The following SLC5A3 variants were observed in gnomAD, a reference collection of about 807,000 sequenced individuals.
The protein encoded by SLC5A3 is sodium/myo-inositol cotransporter.
In SLC5A3, 10 loss-of-function variants were observed where a neutral mutation model predicts 43.2. The observed-to-expected ratio is 0.23, with a 90% CI of 0.14 to 0.39. The LOEUF is 0.39. Among genes scored for constraint, SLC5A3 ranks in the 10% least tolerant of loss-of-function variants. SLC5A3 has a pLI of 1.00. For missense variants in SLC5A3, 608 were observed against 893.4 expected, an observed-to-expected ratio of 0.68 and a Z score of 4.07; for synonymous variants, 349 against 322.0, an observed-to-expected ratio of 1.08 and a Z score of -0.90.
chr21:34,082,698 T>C (rs1369455780), intron 1 of SLC5A3, among the ~76,000 whole-genome samples: 1 of 152,208 alleles, frequency 6.6e-6, no homozygotes, highest in East Asian at 1.9e-4. Flanking sequence ...TTCCATAAAA[T>C]AGAAGCCAAG....
chr21:34,102,470 TA>T lies in SLC5A3; in HGVS notation c.*5117del. 1.0e-6 allele frequency: 1 copy of T among 1,000,158 alleles called. No homozygotes were observed. The highest frequency in any genetic ancestry group is 4.7e-5 in the South Asian group (1 of 21,292). The allele number at this position is 1,000,158 out of a possible 1,614,324, so 62.0% of individuals were successfully genotyped here. The stretch of plus-strand genomic sequence containing the variant: ...TAATTTATCCAGTAACCAACAACCC[TA>T]ACCATTGGCATATATAGTCTTTCAC... On this transcript the variant is annotated 3_prime_UTR_variant, in exon 2 of 2. Coordinates refer to ENST00000381151, the MANE Select transcript of SLC5A3 (RefSeq NM_006933.7).
Position 34,099,703 on chromosome 21 carries a change from G to A in SLC5A3, c.*2348G>A, listed in dbSNP as rs778365937. 3.8e-5 allele frequency: 38 copies of A among 997,816 alleles called. No individual in the cohort carries two copies. Among genetic ancestry groups the A allele is most frequent in the Non-Finnish European group, 4.6e-5 (38 of 829,400 alleles). 61.8% of individuals were successfully genotyped at this position (997,816 alleles called of 1,614,324 possible). On this transcript the variant is annotated 3_prime_UTR_variant, in exon 2 of 2. Transcript: ENST00000381151. ...CTCTTGTCTTAGTAAGATACATAAG[G>A]TACATCATCTTGTGTCTGTGTGTAT... is the stretch of plus-strand genomic sequence containing the variant.
At chr21:34,082,366 G>A (rs1412377170) in intron 1 of SLC5A3, among the ~76,000 whole-genome samples, 4 of 152,138 alleles carry the variant, frequency 2.6e-5, no homozygotes, top group Non-Finnish European at 4.4e-5. Context: ...GAGCTGCACC[G>A]TGTAAACTGT....
In SLC5A3 at chr21:34,101,585, G is replaced by A; in HGVS notation, c.*4230G>A. ...TCTCTTTGTCTTCCTTCACATTGCTGTGTCAGTTCTACACCTAGTCTTTTC... is the reference window on the plus strand; with the variant it reads ...TCTCTTTGTCTTCCTTCACATTGCTATGTCAGTTCTACACCTAGTCTTTTC... On this transcript the variant is annotated 3_prime_UTR_variant, in exon 2 of 2. Coordinates refer to ENST00000381151, the MANE Select transcript of SLC5A3 (RefSeq NM_006933.7). The A allele has an allele frequency of 2.0e-6, 2 of 1,000,014 alleles. No individual in the cohort carries two copies. The highest frequency in any genetic ancestry group is 2.4e-6 in the Non-Finnish European group (2 of 829,862). The allele number at this position is 1,000,014 out of a possible 1,614,324, so 61.9% of individuals were successfully genotyped here.
intron 1 of SLC5A3, among the ~76,000 whole-genome samples, chr21:34,084,404 A>C (rs1989526310): frequency 6.6e-6 from 1 of 152,144 alleles, no homozygotes. Context: ...CAGAAAAAAA[A>C]CACAAAGTTG....
In SLC5A3 at chr21:34,073,688, C is replaced by G. The variant is rs997707764; in HGVS notation, c.-394C>G. 1.3e-6 allele frequency: 2 copies of G among 1,518,528 alleles called. No individual in the cohort carries two copies. Among genetic ancestry groups the G allele is most frequent in the Non-Finnish European group, 8.9e-7 (1 of 1,125,416 alleles). 94.1% of individuals were successfully genotyped at this position (1,518,528 alleles called of 1,614,324 possible). A position where few individuals can be genotyped will look rare whatever the true frequency, so the allele number is the denominator to read the frequency against. ...CGGCTGGCTTCCGAGCCGCACTCGC[C>G]GATCCTCCAGGCATGCCCCGCTACG... On this transcript the variant is annotated 5_prime_UTR_variant, in exon 1 of 2. Transcript: ENST00000381151.
At chr21:34,090,485 G>T (rs1978629151) in intron 1 of SLC5A3, among the ~76,000 whole-genome samples, 1 of 152,206 alleles carries the variant, frequency 6.6e-6, no homozygotes, top group Non-Finnish European at 1.5e-5. Flanking sequence ...TGATGAGACA[G>T]TTGGGAGTCT....
Position 34,095,039 on chromosome 21 carries a change from C to A in SLC5A3, c.-160C>A. On this transcript the variant is annotated 5_prime_UTR_variant, in exon 2 of 2. Transcript: ENST00000381151. The stretch of plus-strand genomic sequence containing the variant: ...CTTCAAAGTTTATCACAACCACCAC[C>A]ATCAAGACAGCAAACCAAAGGACAA... The A allele has an allele frequency of 2.4e-6, 2 of 840,316 alleles. No individual in the cohort carries two copies. Among genetic ancestry groups the A allele is most frequent in the South Asian group, 2.2e-5 (1 of 44,886 alleles). The allele number at this position is 840,316 out of a possible 1,614,324, so 52.1% of individuals were successfully genotyped here.
In SLC5A3 at chr21:34,096,236, C is replaced by T; in HGVS notation, c.1038C>T (p.Cys346=). ...TGGTGTGTGGAAGCAGAGCTGGTTG[C>T]TCCAATATTGCTTACCCACGCCTGG... ...CMLVCGSRAG[C]SNIAYPRLVM... Residue 346 remains cysteine, a synonymous_variant, in exon 2 of 2, where the codon TGC becomes TGT. Transcript: ENST00000381151. This position sits in a 1 kb window ranked among gnomAD's most constrained non-coding sequence, Gnocchi z 5.9. The T allele has an allele frequency of 6.2e-7, 1 of 1,614,176 alleles. No homozygotes were observed. The highest frequency in any genetic ancestry group is 8.5e-7 in the Non-Finnish European group (1 of 1,180,024).
chr21:34,102,407 A>G lies in SLC5A3; in HGVS notation c.*5052A>G. The G allele has an allele frequency of 2.0e-6, 2 of 1,000,000 alleles. No individual in the cohort carries two copies. The highest frequency in any genetic ancestry group is 9.4e-5 in the South Asian group (2 of 21,280). The allele number at this position is 1,000,000 out of a possible 1,614,324, so 61.9% of individuals were successfully genotyped here. A position where few individuals can be genotyped will look rare whatever the true frequency, so the allele number is the denominator to read the frequency against. ...CTGTTTCCATCTAAACTTCTTTATA[A>G]AAAGAGGGATTAGTTTTTTTGTTTT... is the stretch of plus-strand genomic sequence containing the variant. On this transcript the variant is annotated 3_prime_UTR_variant, in exon 2 of 2. Coordinates refer to ENST00000381151, the MANE Select transcript of SLC5A3 (RefSeq NM_006933.7).
At position 34,098,846 on chromosome 21, in the gene SLC5A3, A is replaced by G. The variant is rs918431635; in HGVS notation, c.*1491A>G. 10 of 999,970 alleles carry G rather than the reference A, an allele frequency of 1.0e-5. No individual in the cohort carries two copies. Among genetic ancestry groups the G allele is most frequent in the Admixed American group, 1.2e-4 (2 of 16,260 alleles). The allele number at this position is 999,970 out of a possible 1,614,324, so 61.9% of individuals were successfully genotyped here. A position where few individuals can be genotyped will look rare whatever the true frequency, so the allele number is the denominator to read the frequency against. On this transcript the variant is annotated 3_prime_UTR_variant, in exon 2 of 2. Transcript: ENST00000381151. Reference sequence around the variant, plus strand: ...TGCTCAACACTGTCCTTTGTCCTCCATGAAAGATGAAGGAAGCAAATTATG... The same window carrying G: ...TGCTCAACACTGTCCTTTGTCCTCCGTGAAAGATGAAGGAAGCAAATTATG...
intron 1 of SLC5A3, among the ~76,000 whole-genome samples, chr21:34,080,901 G>T (rs1458723781): frequency 6.6e-6 from 1 of 152,184 alleles, no homozygotes; most frequent in African/African-American, 2.4e-5. Flanking sequence ...CGCTCACGCT[G>T]GGTGAGTTGT....
chr21:34,078,213 T>G (rs1989379178), intron 1 of SLC5A3, among the ~76,000 whole-genome samples: 1 of 152,152 alleles, frequency 6.6e-6, no homozygotes, highest in African/African-American at 2.4e-5. Flanking sequence ...TCTTTGTGTT[T>G]TATCTGCTTG....
rs1020406374 is a variant in SLC5A3, at chr21:34,104,501, A to G, written c.*7146A>G. 20 of 995,616 alleles carry G rather than the reference A, an allele frequency of 2.0e-5. No individual in the cohort carries two copies. The African/African-American group carries it at 3.3e-4, about 16-fold the overall frequency. 61.7% of individuals were successfully genotyped at this position (995,616 alleles called of 1,614,324 possible). A position where few individuals can be genotyped will look rare whatever the true frequency, so the allele number is the denominator to read the frequency against. The stretch of plus-strand genomic sequence containing the variant: ...ACTACCTTTGTTCCTACTCTTTTAT[A>G]TAATTATCCTTTTAGGGAAAGACTT... On this transcript the variant is annotated 3_prime_UTR_variant, in exon 2 of 2. Coordinates refer to ENST00000381151, the MANE Select transcript of SLC5A3 (RefSeq NM_006933.7).
chr21:34,079,137 C>T (rs184368849), intron 1 of SLC5A3, among the ~76,000 whole-genome samples: 1 of 152,098 alleles, frequency 6.6e-6, no homozygotes, highest in South Asian at 2.1e-4. Context: ...TGACCTGTCA[C>T]CTATATTTTT....
Position 34,099,292 on chromosome 21 carries a change from G to A in SLC5A3, c.*1937G>A, listed in dbSNP as rs1979122270. The A allele has an allele frequency of 1.0e-6, 1 of 1,000,084 alleles. No homozygotes were observed. The highest frequency in any genetic ancestry group is 1.7e-5 in the African/African-American group (1 of 57,204). The allele number at this position is 1,000,084 out of a possible 1,614,324, so 62.0% of individuals were successfully genotyped here. A position where few individuals can be genotyped will look rare whatever the true frequency, so the allele number is the denominator to read the frequency against. On this transcript the variant is annotated 3_prime_UTR_variant, in exon 2 of 2. Transcript: ENST00000381151. ...GAAGTTGAGGCTGCGACATGTCCAA[G>A]GTTATGAAGTCTCTTTTGGGAAGAA...
At chr21:34,086,930 G>A (rs1033842074) in intron 1 of SLC5A3, among the ~76,000 whole-genome samples, 5 of 152,196 alleles carry the variant, frequency 3.3e-5, no homozygotes, top group African/African-American at 4.8e-5. Flanking sequence ...TCTTTCAGCT[G>A]TGTGGGAACA....
In SLC5A3 at chr21:34,102,399, T is replaced by G. The variant is rs1052149644; in HGVS notation, c.*5044T>G. 1 of 999,960 alleles carries G rather than the reference T, an allele frequency of 1.0e-6. No homozygotes were observed. The highest frequency in any genetic ancestry group is 1.7e-5 in the African/African-American group (1 of 57,274). 61.9% of individuals were successfully genotyped at this position (999,960 alleles called of 1,614,324 possible). ...TTCTGTTTCTGTTTCCATCTAAACT[T>G]CTTTATAAAAAGAGGGATTAGTTTT... On this transcript the variant is annotated 3_prime_UTR_variant, in exon 2 of 2. Coordinates refer to ENST00000381151, the MANE Select transcript of SLC5A3 (RefSeq NM_006933.7).
rs558490991 is a variant in SLC5A3, at chr21:34,099,219, T to A, written c.*1864T>A. ...TTTTTTCTCAATTTTATTCTTGAGG[T>A]TTATAATTTGGGGGCCAAATAGATA... On this transcript the variant is annotated 3_prime_UTR_variant, in exon 2 of 2. Coordinates refer to ENST00000381151, the MANE Select transcript of SLC5A3 (RefSeq NM_006933.7). The A allele has an allele frequency of 2.5e-5, 25 of 1,000,200 alleles. No individual in the cohort carries two copies. The African/African-American group carries it at 4.0e-4, about 16-fold the overall frequency. 62.0% of individuals were successfully genotyped at this position (1,000,200 alleles called of 1,614,324 possible). A position where few individuals can be genotyped will look rare whatever the true frequency, so the allele number is the denominator to read the frequency against.
Sources: gnomAD v4.1 joint callset for allele counts (sites outside exome capture counted in the v4.1 genomes callset) on GRCh38, gnomAD v4.1.1 for gene constraint, Gnocchi (gnomAD v3.1) non-coding constraint, MANE v1.5 for transcripts, NCBI Gene and HGNC (gene_info 2026-07-23, HGNC 2026-07-21) for gene names.